EDAR: variants seen among roughly 807,000 people sequenced by gnomAD.
EDAR encodes tumor necrosis factor receptor superfamily member EDAR.
A neutral mutation model predicts 51.3 loss-of-function variants in EDAR; 38 were observed. That is an observed-to-expected ratio of 0.74 (90% CI 0.57 to 0.97). The LOEUF (loss-of-function observed/expected upper bound fraction) is 0.97, where lower values mean the gene tolerates loss of function less well. Among genes scored for constraint, EDAR ranks in the 50% least tolerant of loss-of-function variants. EDAR has a pLI of 0.00. For missense variants in EDAR, 528 were observed against 595.0 expected, an observed-to-expected ratio of 0.89 and a Z score of 1.17; for synonymous variants, 227 against 242.1, an observed-to-expected ratio of 0.94 and a Z score of 0.58.
intron 5 of EDAR, among the ~76,000 whole-genome samples, chr2:108,914,800 C>T (rs1040820487): frequency 7.2e-5 from 11 of 152,238 alleles, no homozygotes; most frequent in Non-Finnish European, 1.2e-4. Flanking sequence ...CAGCTGCCAT[C>T]CCCAAATCAA....
chr2:108,953,082 A>G (rs899016058), intron 1 of EDAR, among the ~76,000 whole-genome samples: 3 of 152,260 alleles, frequency 2.0e-5, no homozygotes, highest in African/African-American at 4.8e-5. Flanking sequence ...TAATAACCAC[A>G]TCATGAAAAG....
At chr2:108,942,274 G>A (rs975332829) in intron 1 of EDAR, among the ~76,000 whole-genome samples, 10 of 152,242 alleles carry the variant, frequency 6.6e-5, no homozygotes, top group Non-Finnish European at 1.3e-4. Context: ...AGGTCACACA[G>A]ACAGAGGTGG....
chr2:108,906,383 C>T lies in EDAR; in HGVS notation c.964-15G>A, dbSNP rs751100471. ...CGGCTTTGAATCTGTGAAAAAGAGT[C>T]GAGAATTTTCATCTCCAGAAAGGGG... On this transcript the variant is annotated splice_polypyrimidine_tract_variant and intron_variant, in intron 10 of 11. Transcript: ENST00000258443. 21 of 1,613,938 alleles carry T rather than the reference C, an allele frequency of 1.3e-5. No individual in the cohort carries two copies. The highest frequency in any genetic ancestry group is 5.3e-5 in the African/African-American group (4 of 74,934).
intron 1 of EDAR, among the ~76,000 whole-genome samples, chr2:108,987,106 G>C (rs1698511545): frequency 6.6e-6 from 1 of 152,210 alleles, no homozygotes; most frequent in Admixed American, 6.5e-5. Flanking sequence ...AAGCAGCAAG[G>C]CTGTCTGCCA....
chr2:108,895,609 C>G lies in EDAR; in HGVS notation c.*1298G>C, dbSNP rs1696567664. ...CTGTGTTGACTTCCATAGAGCACCT[C>G]AAAGGCCTGGCATTTCCTATAGCTC... On this transcript the variant is annotated 3_prime_UTR_variant, in exon 12 of 12. Coordinates refer to ENST00000258443, the MANE Select transcript of EDAR (RefSeq NM_022336.4). 3.3e-5 allele frequency: 5 copies of G among 152,374 alleles called. No homozygotes were observed. In the South Asian group the frequency reaches 8.3e-4, roughly 25 times the overall value. The allele number at this position is 152,374 out of a possible 1,614,324, so 9.4% of individuals were successfully genotyped here.
At chr2:108,956,517 C>A (rs1434817517) in intron 1 of EDAR, among the ~76,000 whole-genome samples, 1 of 152,142 alleles carries the variant, frequency 6.6e-6, no homozygotes, top group Admixed American at 6.5e-5. Flanking sequence ...TTCTGGGTAG[C>A]CAAGAAACTA....
intron 1 of EDAR, among the ~76,000 whole-genome samples, chr2:108,970,002 C>A (rs1363084843): frequency 6.6e-6 from 1 of 152,150 alleles, no homozygotes; most frequent in East Asian, 1.9e-4. Context: ...TCTAGCCAGC[C>A]CAGCACAGGC....
At chr2:108,912,415 G>A (rs914443553) in intron 6 of EDAR, among the ~76,000 whole-genome samples, 1 of 152,184 alleles carries the variant, frequency 6.6e-6, no homozygotes, top group African/African-American at 2.4e-5. Flanking sequence ...AGCTGCCTGT[G>A]CTGTCCACCT....
chr2:108,979,678 T>C lies in EDAR; in HGVS notation c.-19+9282A>G, dbSNP rs200831830. ...CCAGGGTCAGATTAATCATGAAGGA[T>C]GCAGATGGCAGGAACTGCAGAGGAG... On this transcript the variant is annotated intron_variant, in intron 1 of 11. Coordinates refer to ENST00000258443, the MANE Select transcript of EDAR (RefSeq NM_022336.4). Among the ~76,000 whole-genome samples the C allele has an allele frequency of 9.2e-5, 14 of 152,168 alleles. No homozygotes were observed. The East Asian group carries it at 2.3e-3, about 25-fold the overall frequency.
intron 1 of EDAR, among the ~76,000 whole-genome samples, chr2:108,982,464 T>C (rs1445506276): frequency 6.6e-6 from 1 of 152,228 alleles, no homozygotes; most frequent in Non-Finnish European, 1.5e-5. Flanking sequence ...AGTGTCTCAG[T>C]TCTGTTTATT....
At chr2:108,982,403 G>A (rs529539027) in intron 1 of EDAR, among the ~76,000 whole-genome samples, 3 of 152,342 alleles carry the variant, frequency 2.0e-5, no homozygotes, top group African/African-American at 2.4e-5. Flanking sequence ...AACTGATGCC[G>A]TGGGAGGCAT....
chr2:108,963,495 T>C (rs1311400668), intron 1 of EDAR, among the ~76,000 whole-genome samples: 2 of 152,182 alleles, frequency 1.3e-5, no homozygotes, highest in African/African-American at 4.8e-5. Flanking sequence ...AGAGATCCCA[T>C]GTCCCCGTTA....
At chr2:108,950,358 C>T (rs1697801766) in intron 1 of EDAR, among the ~76,000 whole-genome samples, 1 of 151,926 alleles carries the variant, frequency 6.6e-6, no homozygotes, top group Non-Finnish European at 1.5e-5. Context: ...TCGAATGATC[C>T]TCCCGCCTCA....
intron 1 of EDAR, among the ~76,000 whole-genome samples, chr2:108,945,273 A>T (rs1697693938): frequency 6.6e-6 from 1 of 152,094 alleles, no homozygotes; most frequent in African/African-American, 2.4e-5. Flanking sequence ...CCAAGCATGT[A>T]ATCTTTAAAG....
intron 4 of EDAR, among the ~76,000 whole-genome samples, chr2:108,927,531 T>G (rs1697279875): frequency 1.3e-5 from 2 of 152,308 alleles, no homozygotes; most frequent in East Asian, 1.9e-4. Context: ...CGGGTACTGA[T>G]GGACACCTTC....
intron 1 of EDAR, among the ~76,000 whole-genome samples, chr2:108,969,734 T>A (rs113108634): frequency 6.6e-6 from 1 of 152,194 alleles, no homozygotes; most frequent in African/African-American, 2.4e-5. Flanking sequence ...GTGAAAGGAG[T>A]GTGAGCTGCA....
intron 4 of EDAR, among the ~76,000 whole-genome samples, chr2:108,923,664 C>T (rs780312834): frequency 2.6e-4 from 40 of 152,236 alleles, no homozygotes; most frequent in African/African-American, 6.5e-4. Context: ...TATTGAGCTG[C>T]CAACGTGGGC....
intron 9 of EDAR, among the ~76,000 whole-genome samples, chr2:108,908,611 A>T (rs1696857824): frequency 1.3e-5 from 2 of 152,148 alleles, no homozygotes; most frequent in Admixed American, 6.5e-5. Context: ...GGTCGGACCC[A>T]CCAAGCCCAG....
intron 9 of EDAR, among the ~76,000 whole-genome samples, chr2:108,910,254 G>A (rs563396017): frequency 6.6e-6 from 1 of 152,338 alleles, no homozygotes; most frequent in Non-Finnish European, 1.5e-5. Context: ...CCTGACCCGA[G>A]AGCAGCAGGC....
Sources: allele counts gnomAD v4.1 joint callset (sites outside exome capture counted in the v4.1 genomes callset), GRCh38; gene constraint gnomAD v4.1.1; transcripts MANE v1.5; gene names NCBI Gene and HGNC (gene_info 2026-07-23, HGNC 2026-07-21).